Variants in TMTC4 observed in about 807,000 individuals in gnomAD.
TMTC4 encodes the protein transmembrane O-mannosyltransferase targeting cadherins 4, also known as protein O-mannosyl-transferase TMTC4.
Under a neutral mutation model 86.0 loss-of-function variants are expected in TMTC4, and 65 were observed. The observed-to-expected ratio is 0.76, with a 90% confidence interval of 0.62 to 0.93. The LOEUF (loss-of-function observed/expected upper bound fraction) is 0.93. TMTC4 is among the 40% of genes least tolerant of loss of function. TMTC4 has a pLI of 0.00. For synonymous variants in TMTC4, 379 were observed against 382.5 expected, an observed-to-expected ratio of 0.99 and a Z score of 0.11; for missense variants, 866 against 948.1, an observed-to-expected ratio of 0.91 and a Z score of 1.14.
chr13:100,644,647 C>T (rs1018722316), intron 6 of TMTC4, among the ~76,000 whole-genome samples: 4 of 152,114 alleles, frequency 2.6e-5, no homozygotes, highest in African/African-American at 4.8e-5. Context: ...AGAATCTCTG[C>T]GTATCAAATT....
chr13:100,674,288 C>A (rs2786940), intron 1 of TMTC4: 16 of 978,752 alleles, frequency 1.6e-5, no homozygotes, highest in Non-Finnish European at 7.3e-6. Flanking sequence ...GGCGGCCAAG[C>A]GGCCCGGCTG....
chr13:100,668,920 A>G, intron 2 of TMTC4, 126 bp from the exon 3 acceptor site: 4 of 1,030,116 alleles, frequency 3.9e-6, no homozygotes, highest in Non-Finnish European at 5.5e-6. Flanking sequence ...ATCAGTAACA[A>G]TTTGAAGCTG....
intron 4 of TMTC4, 83 bp from the exon 5 acceptor site, chr13:100,663,263 T>C (rs1886013017): frequency 1.6e-6 from 2 of 1,214,498 alleles, no homozygotes; most frequent in Non-Finnish European, 2.4e-6. Flanking sequence ...AAGGCTTGTG[T>C]GTGGAAATAT....
chr13:100,634,217 T>C (rs563541038), intron 12 of TMTC4, among the ~76,000 whole-genome samples: 16 of 152,122 alleles, frequency 1.1e-4, no homozygotes, highest in African/African-American at 3.4e-4. Flanking sequence ...ACTGAAACAC[T>C]GTTACATGGC....
At chr13:100,645,668 GC>G (rs756524108) in intron 6 of TMTC4, among the ~76,000 whole-genome samples, 26 of 152,282 alleles carry the variant, frequency 1.7e-4, no homozygotes, top group Non-Finnish European at 3.7e-4. Flanking sequence ...TTCACTGACT[GC>G]CCCCGTAGAT....
chr13:100,616,306 C>G (rs191104563), intron 15 of TMTC4, among the ~76,000 whole-genome samples: 5 of 152,134 alleles, frequency 3.3e-5, no homozygotes, highest in Admixed American at 3.3e-4. Flanking sequence ...CAGGTTCAAG[C>G]AATTTTCTGC....
In TMTC4 at chr13:100,659,110, A is replaced by T. The variant is rs550079966; in HGVS notation, c.553-2642T>A. On this transcript the variant is annotated intron_variant, in intron 5 of 18. Transcript: ENST00000342624. Reference sequence around the variant, plus strand: ...GGAGAAATCACTGCAATCCCTCTGAATCCTTAAAGCAGGCGGCACCATTGT... The same window carrying T: ...GGAGAAATCACTGCAATCCCTCTGATTCCTTAAAGCAGGCGGCACCATTGT... 2.6e-5 allele frequency among the ~76,000 whole-genome samples: 4 copies of T among 152,310 alleles called. 1 individual carries two copies. The highest frequency in any genetic ancestry group is 9.6e-5 in the African/African-American group (4 of 41,562).
At chr13:100,635,262 A>G (rs1408393416) in intron 10 of TMTC4, 67 bp from the exon 11 acceptor site, 2 of 1,420,932 alleles carry the variant, frequency 1.4e-6, no homozygotes, top group East Asian at 2.5e-5. Flanking sequence ...ATCCTACTCC[A>G]CATTAAATTA....
At chr13:100,672,568 A>C (rs1887256321) in intron 1 of TMTC4, among the ~76,000 whole-genome samples, 1 of 152,088 alleles carries the variant, frequency 6.6e-6, no homozygotes, top group Non-Finnish European at 1.5e-5. Flanking sequence ...ATAGCTCACC[A>C]CAGCTTCACC....
chr13:100,656,658 C>G (rs1337207975), intron 5 of TMTC4, among the ~76,000 whole-genome samples, 190 bp from the exon 6 acceptor site: 1 of 150,188 alleles, frequency 6.7e-6, no homozygotes, highest in Non-Finnish European at 1.5e-5. Context: ...ATTCTCCCAT[C>G]TCAGCCTCCT....
chr13:100,642,203 G>A lies in TMTC4; in HGVS notation c.741+8C>T. 6.2e-7 allele frequency: 1 copy of A among 1,613,848 alleles called. No individual in the cohort carries two copies. The highest frequency in any genetic ancestry group is 1.1e-5 in the South Asian group (1 of 91,062). On this transcript the variant is annotated splice_region_variant and intron_variant, in intron 7 of 18. Coordinates refer to ENST00000342624, the MANE Select transcript of TMTC4 (RefSeq NM_032813.5). ...AAAAGCAGGCCCCAGCCATGTTGCG[G>A]CTCTCACCAGCACAGTGATCCCTTG...
At chr13:100,655,298 C>T (rs1182255684) in intron 6 of TMTC4, among the ~76,000 whole-genome samples, 1 of 152,198 alleles carries the variant, frequency 6.6e-6, no homozygotes, top group Non-Finnish European at 1.5e-5. Flanking sequence ...GCTGGGATTA[C>T]AGGCGTAAGC....
chr13:100,632,053 A>ACACACACACACACACTCTCTCTCTCT (rs1296569630), intron 12 of TMTC4, among the ~76,000 whole-genome samples: 5 of 43,100 alleles, frequency 1.2e-4, no homozygotes, highest in Non-Finnish European at 2.4e-4. Flanking sequence ...ACACACACAC[A>ACACACACACACACACTCTCTCTCTCT]CTCTCTCTCT....
At position 100,646,515 on chromosome 13, in the gene TMTC4, G is replaced by A. The variant is rs149698488; in HGVS notation, c.641-4204C>T. The stretch of plus-strand genomic sequence containing the variant: ...TGGCCTCGACTTGAGTAACTTCACT[G>A]GTGGGGATTAATTTTCAAACCACAG... On this transcript the variant is annotated intron_variant, in intron 6 of 18. Transcript: ENST00000342624. Among the ~76,000 whole-genome samples, 1,118 of 152,306 alleles carry A rather than the reference G, an allele frequency of 7.3e-3. 14 individuals are homozygous for A. The highest frequency in any genetic ancestry group is 0.051 in the Middle Eastern group (15 of 294).
upstream of TMTC4, chr13:100,675,025 G>C: frequency 8.1e-6 from 8 of 985,700 alleles, no homozygotes; most frequent in Non-Finnish European, 9.6e-6. Flanking sequence ...GTCAGGCCAG[G>C]GGGCGCTAGT....
chr13:100,612,167 C>T (rs1202164927), intron 17 of TMTC4, among the ~76,000 whole-genome samples: 1 of 152,246 alleles, frequency 6.6e-6, no homozygotes, highest in East Asian at 1.9e-4. Context: ...CTCTTCCTCT[C>T]TCCACGTGTG....
intron 7 of TMTC4, among the ~76,000 whole-genome samples, chr13:100,641,767 G>A (rs375163270): frequency 2.6e-5 from 4 of 152,178 alleles, no homozygotes; most frequent in Admixed American, 1.3e-4. Flanking sequence ...GATTACAGGC[G>A]TGAGCCATGG....
At chr13:100,620,828 AAAACAAAC>A (rs140760914) in intron 15 of TMTC4, among the ~76,000 whole-genome samples, 90 of 152,224 alleles carry the variant, frequency 5.9e-4, no homozygotes, top group African/African-American at 1.7e-3. Context: ...GTGATTTCTT[AAAACAAAC>A]AAACAAACAA....
intron 1 of TMTC4, chr13:100,674,231 G>C: frequency 5.1e-6 from 5 of 981,012 alleles, no homozygotes; most frequent in Non-Finnish European, 6.0e-6. Context: ...GCGTGGAGTA[G>C]CAGGCGCTCG....
Sources: gnomAD v4.1 joint callset for allele counts (sites outside exome capture counted in the v4.1 genomes callset) on GRCh38, gnomAD v4.1.1 for gene constraint, MANE v1.5 for transcripts, NCBI Gene and HGNC (gene_info 2026-07-23, HGNC 2026-07-21) for gene names.